The following LEPROT variants were observed in gnomAD, a reference collection of about 807,000 sequenced individuals.
The protein encoded by LEPROT is leptin receptor overlapping transcript.
Under a neutral mutation model 15.4 loss-of-function variants are expected in LEPROT, and 3 were observed. The ratio of observed to expected loss-of-function variants is 0.19; its 90% CI spans 0.09 to 0.50. LEPROT has a LOEUF of 0.50. LEPROT is among the 20% of genes least tolerant of loss of function. The pLI, the probability that LEPROT is intolerant of heterozygous loss-of-function variation, is 0.97. For synonymous variants in LEPROT, 59 were observed against 57.5 expected (o/e 1.03, Z -0.12); for missense variants, 137 against 162.2 (o/e 0.84, Z 0.84).
chr1:65,422,620 T>C (rs1219835648), intron 1 of LEPROT, among the ~76,000 whole-genome samples: 1 of 152,206 alleles, frequency 6.6e-6, no homozygotes, highest in African/African-American at 2.4e-5. Context: ...AAGGGATCAA[T>C]GTGGCTTCCC....
chr1:65,431,410 A>G (rs1646482329), intron 3 of LEPROT, among the ~76,000 whole-genome samples: 1 of 152,246 alleles, frequency 6.6e-6, no homozygotes, highest in Non-Finnish European at 1.5e-5. Context: ...TCTTGCCTAG[A>G]AAAGAAACAC....
In LEPROT at chr1:65,435,125, C is replaced by T; in HGVS notation, c.*3206C>T. The T allele has an allele frequency of 5.1e-6, 5 of 985,388 alleles. No homozygotes were observed. The allele number at this position is 985,388 out of a possible 1,614,324, so 61.0% of individuals were successfully genotyped here. Reference sequence around the variant, plus strand: ...GCAATATTTTGGGACAGGGAAAATCCTGTCATACCTCATCTCTTCCTCAGG... The same window carrying T: ...GCAATATTTTGGGACAGGGAAAATCTTGTCATACCTCATCTCTTCCTCAGG... On this transcript the variant is annotated 3_prime_UTR_variant, in exon 4 of 4. Coordinates refer to ENST00000371065, the MANE Select transcript of LEPROT (RefSeq NM_017526.5).
At chr1:65,422,050 ATG>A (rs1484421874) in intron 1 of LEPROT, among the ~76,000 whole-genome samples, 2 of 152,220 alleles carry the variant, frequency 1.3e-5, no homozygotes, top group African/African-American at 4.8e-5. Context: ...TTGGGCTCAG[ATG>A]CGGTGGGAGA....
intron 2 of LEPROT, among the ~76,000 whole-genome samples, chr1:65,429,010 T>G (rs1273151472): frequency 6.6e-6 from 1 of 152,188 alleles, no homozygotes. Context: ...ATTATTTTAT[T>G]CATTTAACAA....
At position 65,434,512 on chromosome 1, in the gene LEPROT, G is replaced by A. The variant is rs900867713; in HGVS notation, c.*2593G>A. On this transcript the variant is annotated 3_prime_UTR_variant, in exon 4 of 4. Transcript: ENST00000371065. The stretch of plus-strand genomic sequence containing the variant: ...CACAGAAACAATACTATGAATTGGT[G>A]ATTGAGTTCCCAGGCCAAGCCTCCC... 7.6e-5 allele frequency: 75 copies of A among 984,896 alleles called. No individual in the cohort carries two copies. The highest frequency in any genetic ancestry group is 5.5e-4 in the Admixed American group (9 of 16,254). The allele number at this position is 984,896 out of a possible 1,614,324, so 61.0% of individuals were successfully genotyped here. A position where few individuals can be genotyped will look rare whatever the true frequency, so the allele number is the denominator to read the frequency against.
chr1:65,425,413 T>C, intron 2 of LEPROT, 35 bp downstream of exon 2: 1 of 1,554,404 alleles, frequency 6.4e-7, no homozygotes, highest in Non-Finnish European at 8.7e-7. Flanking sequence ...TATTCCTCTT[T>C]CTGTGTCTTT....
intron 2 of LEPROT, among the ~76,000 whole-genome samples, chr1:65,427,116 A>T (rs1646392373): frequency 6.6e-6 from 1 of 152,224 alleles, no homozygotes; most frequent in Non-Finnish European, 1.5e-5. Flanking sequence ...AATTGTTTAA[A>T]CCCAAGAGGG....
intron 2 of LEPROT, among the ~76,000 whole-genome samples, chr1:65,425,670 A>G (rs1646348172): frequency 6.6e-6 from 1 of 152,220 alleles, no homozygotes; most frequent in Non-Finnish European, 1.5e-5. Flanking sequence ...TCTAGTTGTG[A>G]GTGAGAGACA....
intron 2 of LEPROT, chr1:65,427,718 G>C: frequency 3.1e-6 from 1 of 324,048 alleles, no homozygotes; most frequent in Non-Finnish European, 6.2e-6. Context: ...GTAAGAAAAT[G>C]ACTCATTACT....
At position 65,434,780 on chromosome 1, in the gene LEPROT, C is replaced by T. The variant is rs913323099; in HGVS notation, c.*2861C>T. ...CACCTCTCCCAACTGAGAACCTTCCCACTGGGCTCCATCCTCCCTCCTGAG... is the reference window on the plus strand; with the variant it reads ...CACCTCTCCCAACTGAGAACCTTCCTACTGGGCTCCATCCTCCCTCCTGAG... On this transcript the variant is annotated 3_prime_UTR_variant, in exon 4 of 4. Transcript: ENST00000371065. 1.9e-5 allele frequency: 19 copies of T among 985,254 alleles called. No individual in the cohort carries two copies. Among genetic ancestry groups the T allele is most frequent in the Non-Finnish European group, 1.9e-5 (16 of 829,962 alleles). The allele number at this position is 985,254 out of a possible 1,614,324, so 61.0% of individuals were successfully genotyped here.
chr1:65,425,792 A>G (rs1383494368), intron 2 of LEPROT, among the ~76,000 whole-genome samples: 4 of 152,212 alleles, frequency 2.6e-5, no homozygotes, highest in Admixed American at 6.5e-5. Flanking sequence ...GGAAGGCTGC[A>G]TGGCAGAGGT....
intron 2 of LEPROT, among the ~76,000 whole-genome samples, chr1:65,427,081 C>T (rs1456575935): frequency 6.6e-6 from 1 of 152,056 alleles, no homozygotes; most frequent in African/African-American, 2.4e-5. Context: ...AATCCATCAC[C>T]GCAGTCCTGG....
At chr1:65,426,295 A>T (rs1284557351) in intron 2 of LEPROT, among the ~76,000 whole-genome samples, 3 of 138,316 alleles carry the variant, frequency 2.2e-5, no homozygotes, top group African/African-American at 3.4e-5. Flanking sequence ...GTACAGCATA[A>T]ATTGTAGTGG....
At chr1:65,420,796 G>A in intron 1 of LEPROT, 56 bp downstream of exon 1, 1 of 1,553,826 alleles carries the variant, frequency 6.4e-7, no homozygotes, top group Non-Finnish European at 8.7e-7. Context: ...CCTCCGTTCC[G>A]GTCAAGCCTG....
chr1:65,421,686 A>G (rs1318851519), intron 1 of LEPROT, among the ~76,000 whole-genome samples: 5 of 152,186 alleles, frequency 3.3e-5, no homozygotes, highest in Non-Finnish European at 7.3e-5. Context: ...GCTGACTTTT[A>G]TACTTAATAT....
Position 65,435,361 on chromosome 1 carries a change from CTTTTCT to C in LEPROT, c.*3447_*3452del, listed in dbSNP as rs1173418548. On this transcript the variant is annotated 3_prime_UTR_variant, in exon 4 of 4. Transcript: ENST00000371065. ...GGTGGTGTCACAAAATGTGCCTTTT[CTTTTCT>C]TTTTTTTTTTTTTTTTTTGAGGCAG... is the stretch of plus-strand genomic sequence containing the variant. 1 of 818,462 alleles carries C rather than the reference CTTTTCT, an allele frequency of 1.2e-6. No homozygotes were observed. Among genetic ancestry groups the C allele is most frequent in the Non-Finnish European group, 1.4e-6 (1 of 708,588 alleles). The allele number at this position is 818,462 out of a possible 1,614,324, so 50.7% of individuals were successfully genotyped here.
In LEPROT at chr1:65,432,375, G is replaced by C. The variant is rs1646498130; in HGVS notation, c.*456G>C. 1.0e-6 allele frequency: 1 copy of C among 955,302 alleles called. No individual in the cohort carries two copies. The highest frequency in any genetic ancestry group is 6.1e-5 in the Admixed American group (1 of 16,270). The allele number at this position is 955,302 out of a possible 1,614,324, so 59.2% of individuals were successfully genotyped here. A position where few individuals can be genotyped will look rare whatever the true frequency, so the allele number is the denominator to read the frequency against. On this transcript the variant is annotated 3_prime_UTR_variant, in exon 4 of 4. Coordinates refer to ENST00000371065, the MANE Select transcript of LEPROT (RefSeq NM_017526.5). Reference sequence around the variant, plus strand: ...AGACCAAGAGCCTCAACATTTCCTAGAGCCTTATTAGAAATGCAGAATCTG... The same window carrying C: ...AGACCAAGAGCCTCAACATTTCCTACAGCCTTATTAGAAATGCAGAATCTG...
At chr1:65,430,633 A>G (rs1291375106) in intron 3 of LEPROT, among the ~76,000 whole-genome samples, 5 of 152,116 alleles carry the variant, frequency 3.3e-5, no homozygotes, top group Admixed American at 6.6e-5. Flanking sequence ...ATTACGTTCT[A>G]TTTTAATTTT....
Position 65,432,130 on chromosome 1 carries a change from T to TA in LEPROT, c.*212dup. On this transcript the variant is annotated 3_prime_UTR_variant, in exon 4 of 4. Coordinates refer to ENST00000371065, the MANE Select transcript of LEPROT (RefSeq NM_017526.5). ...CAAATTTAGATTATGTTACTCAAAT[T>TA]ATGTTACTTGTTTGGCTGTTCATGT... The TA allele has an allele frequency of 8.1e-7, 1 of 1,241,750 alleles. No individual in the cohort carries two copies. The allele number at this position is 1,241,750 out of a possible 1,614,324, so 76.9% of individuals were successfully genotyped here.
Sources: gnomAD v4.1 joint callset for allele counts (sites outside exome capture counted in the v4.1 genomes callset) on GRCh38, gnomAD v4.1.1 for gene constraint, MANE v1.5 for transcripts, NCBI Gene and HGNC (gene_info 2026-07-23, HGNC 2026-07-21) for gene names.